Variants in ABTB3 observed in about 807,000 individuals in gnomAD.
ABTB3 encodes ankyrin repeat- and BTB/POZ domain-containing protein 3.
the ABTB3 span, among the ~76,000 whole-genome samples, chr12:107,395,886 G>A: frequency 6.6e-6 from 1 of 152,260 alleles, no homozygotes; most frequent in African/African-American, 2.4e-5. Context: ...GGGCAAAGAG[G>A]TGGTGACCAG....
chr12:107,349,864 T>G, the ABTB3 span, among the ~76,000 whole-genome samples: 1 of 152,196 alleles, frequency 6.6e-6, no homozygotes, highest in African/African-American at 2.4e-5. Context: ...GAAGGGCAAT[T>G]TGACTGATGG....
At chr12:107,505,736 C>T in the ABTB3 span, among the ~76,000 whole-genome samples, 4 of 152,090 alleles carry the variant, frequency 2.6e-5, no homozygotes, top group African/African-American at 9.7e-5. Context: ...CTCTATGTGT[C>T]CATGTGTTCT....
At chr12:107,571,627 G>T in the ABTB3 span, among the ~76,000 whole-genome samples, 2 of 152,250 alleles carry the variant, frequency 1.3e-5, no homozygotes, top group African/African-American at 4.8e-5. Context: ...CCTGCAAGGC[G>T]TGTTTCGCGG....
the ABTB3 span, among the ~76,000 whole-genome samples, chr12:107,563,356 T>C: frequency 6.6e-6 from 1 of 152,190 alleles, no homozygotes; most frequent in Non-Finnish European, 1.5e-5. Flanking sequence ...ACCTACAAAG[T>C]ACCAGCACTG....
chr12:107,479,508 G>GCTTA, the ABTB3 span, among the ~76,000 whole-genome samples: 1 of 152,084 alleles, frequency 6.6e-6, no homozygotes, highest in African/African-American at 2.4e-5. Flanking sequence ...CTTGTAAAAT[G>GCTTA]CTTAGGACAG....
the ABTB3 span, among the ~76,000 whole-genome samples, chr12:107,367,933 CTG>C: frequency 2.6e-5 from 4 of 152,234 alleles, no homozygotes; most frequent in African/African-American, 9.6e-5. Context: ...AAATTGCTTT[CTG>C]TGTGTGTGTT....
At chr12:107,572,126 C>A in the ABTB3 span, among the ~76,000 whole-genome samples, 1 of 152,064 alleles carries the variant, frequency 6.6e-6, no homozygotes, top group Non-Finnish European at 1.5e-5. Flanking sequence ...TCTGAGTGGG[C>A]CCTACATCTC....
At chr12:107,431,961 G>A in the ABTB3 span, among the ~76,000 whole-genome samples, 1 of 152,218 alleles carries the variant, frequency 6.6e-6, no homozygotes, top group African/African-American at 2.4e-5. Context: ...AAGTTTGCAG[G>A]TGGAGGTCAT....
chr12:107,372,729 C>T, the ABTB3 span, among the ~76,000 whole-genome samples: 22 of 152,208 alleles, frequency 1.4e-4, no homozygotes, highest in African/African-American at 5.1e-4. Flanking sequence ...TCTCAAATGT[C>T]CCGTATGTCC....
chr12:107,371,010 C>G, the ABTB3 span, among the ~76,000 whole-genome samples: 14 of 151,974 alleles, frequency 9.2e-5, no homozygotes, highest in Non-Finnish European at 1.9e-4. Flanking sequence ...TGACCCACCC[C>G]CCTTCTCCTC....
chr12:107,471,534 T>C, the ABTB3 span, among the ~76,000 whole-genome samples: 1 of 152,252 alleles, frequency 6.6e-6, no homozygotes, highest in South Asian at 2.1e-4. Context: ...TGTCAGGTTC[T>C]GTACCCAGCC....
the ABTB3 span, among the ~76,000 whole-genome samples, chr12:107,482,969 TTTC>T: frequency 2.3e-4 from 19 of 81,236 alleles, 1 homozygote; most frequent in Admixed American, 1.3e-3. Context: ...TCTTTCTTTC[TTTC>T]TTTCTTTCTT....
the ABTB3 span, among the ~76,000 whole-genome samples, chr12:107,586,114 A>G: frequency 3.0e-4 from 45 of 152,186 alleles, no homozygotes; most frequent in African/African-American, 1.0e-3. Context: ...GGACAAGTCC[A>G]TCAGGTGTTC....
the ABTB3 span, among the ~76,000 whole-genome samples, chr12:107,456,147 C>T: frequency 6.6e-6 from 1 of 152,202 alleles, no homozygotes; most frequent in Admixed American, 6.5e-5. Context: ...TCCATATTAA[C>T]ACGTTTAATC....
At chr12:107,564,084 A>ATCTC in the ABTB3 span, among the ~76,000 whole-genome samples, 4 of 104,886 alleles carry the variant, frequency 3.8e-5, no homozygotes, top group South Asian at 6.4e-4. Flanking sequence ...CTCTCTATCT[A>ATCTC]TCTCTCTGTG....
the ABTB3 span, among the ~76,000 whole-genome samples, chr12:107,507,144 T>C: frequency 2.2e-4 from 34 of 152,154 alleles, no homozygotes; most frequent in African/African-American, 8.2e-4. Flanking sequence ...AGGGTCAGTC[T>C]GGGATGGAAG....
At chr12:107,638,019 C>T in the ABTB3 span, among the ~76,000 whole-genome samples, 17 of 151,780 alleles carry the variant, frequency 1.1e-4, no homozygotes, top group African/African-American at 2.4e-4. Context: ...AATGAGTTTT[C>T]GTCAACTCTC....
At chr12:107,575,449 T>C in the ABTB3 span, among the ~76,000 whole-genome samples, 5 of 152,164 alleles carry the variant, frequency 3.3e-5, no homozygotes, top group Non-Finnish European at 7.3e-5. Context: ...ATTTGTTCCC[T>C]GTGACTGCTG....
the ABTB3 span, among the ~76,000 whole-genome samples, chr12:107,362,413 T>G: frequency 6.6e-6 from 1 of 152,334 alleles, no homozygotes; most frequent in African/African-American, 2.4e-5. Context: ...CGTAAGGGGC[T>G]AATGCCAGGA....
Sources: gnomAD v4.1 joint callset for allele counts (sites outside exome capture counted in the v4.1 genomes callset) on GRCh38, gnomAD v4.1.1 for gene constraint, MANE v1.5 for transcripts, NCBI Gene and HGNC (gene_info 2026-07-23, HGNC 2026-07-21) for gene names.